EEIG2: variants seen among roughly 807,000 people sequenced by gnomAD.
EEIG2 encodes the protein family with sequence similarity 102 member B.
chr1:108,593,435 A>G, the EEIG2 span, among the ~76,000 whole-genome samples: 1 of 152,242 alleles, frequency 6.6e-6, no homozygotes, highest in Non-Finnish European at 1.5e-5. Flanking sequence ...CTCCATTTAT[A>G]TCTCATTAGC....
chr1:108,579,119 T>G, the EEIG2 span, among the ~76,000 whole-genome samples: 11 of 103,026 alleles, frequency 1.1e-4, no homozygotes, highest in Non-Finnish European at 1.2e-4. Flanking sequence ...TGGACTAAAT[T>G]CTCCAATTAA....
chr1:108,560,177 G>C, the EEIG2 span: 1 of 157,900 alleles, frequency 6.3e-6, no homozygotes, highest in Non-Finnish European at 1.3e-5. Flanking sequence ...CACCTCCCCG[G>C]GCGAGCTGCA....
chr1:108,601,916 G>T, the EEIG2 span, among the ~76,000 whole-genome samples: 47 of 152,318 alleles, frequency 3.1e-4, no homozygotes, highest in South Asian at 9.1e-3. Context: ...GAGGACAGTG[G>T]TGAACTGGAA....
the EEIG2 span, among the ~76,000 whole-genome samples, chr1:108,613,980 C>G: frequency 6.6e-6 from 1 of 151,790 alleles, no homozygotes; most frequent in Admixed American, 6.6e-5. Flanking sequence ...GAAACTTCAC[C>G]CCCAAAAAAT....
the EEIG2 span, among the ~76,000 whole-genome samples, chr1:108,593,564 G>C: frequency 8.8e-3 from 1,337 of 152,260 alleles, 47 homozygotes; most frequent in Admixed American, 0.08. Context: ...AGGAAGAAGA[G>C]AGACTGCATA....
At chr1:108,609,197 T>A in the EEIG2 span, among the ~76,000 whole-genome samples, 36 of 152,354 alleles carry the variant, frequency 2.4e-4, no homozygotes, top group Non-Finnish European at 3.4e-4. Flanking sequence ...TGGGCTATTG[T>A]TTTATTCAAC....
chr1:108,624,349 T>C, the EEIG2 span, among the ~76,000 whole-genome samples: 1 of 150,692 alleles, frequency 6.6e-6, no homozygotes, highest in East Asian at 2.0e-4. Context: ...AGAGCAACCC[T>C]CCCTTGACCA....
At chr1:108,625,027 T>A in the EEIG2 span, 2 of 274,220 alleles carry the variant, frequency 7.3e-6, no homozygotes, top group Non-Finnish European at 1.4e-5. Context: ...TTTTTCCCGT[T>A]CCATTACCCT....
chr1:108,619,810 A>G, the EEIG2 span, among the ~76,000 whole-genome samples: 1 of 152,234 alleles, frequency 6.6e-6, no homozygotes, highest in East Asian at 1.9e-4. Flanking sequence ...GGATCCCTTA[A>G]GCCCAAGAAG....
the EEIG2 span, among the ~76,000 whole-genome samples, chr1:108,574,645 G>T: frequency 1.3e-5 from 2 of 152,202 alleles, no homozygotes; most frequent in African/African-American, 4.8e-5. Context: ...CAGCTACTCG[G>T]AAGGCTGAGG....
chr1:108,612,259 A>C, the EEIG2 span: 12 of 1,613,448 alleles, frequency 7.4e-6, no homozygotes, highest in Middle Eastern at 1.7e-4. Context: ...AGGCTATGAT[A>C]CCAAAAATAC....
the EEIG2 span, among the ~76,000 whole-genome samples, chr1:108,619,630 G>A: frequency 6.6e-6 from 1 of 152,200 alleles, no homozygotes; most frequent in Admixed American, 6.5e-5. Context: ...GCTTATGCCT[G>A]TAATCCCACA....
At chr1:108,574,429 T>C in the EEIG2 span, among the ~76,000 whole-genome samples, 1 of 152,150 alleles carries the variant, frequency 6.6e-6, no homozygotes, top group African/African-American at 2.4e-5. Context: ...TTCTGGACAT[T>C]GGACACTACT....
chr1:108,571,168 G>C, the EEIG2 span, among the ~76,000 whole-genome samples: 2 of 152,192 alleles, frequency 1.3e-5, no homozygotes, highest in East Asian at 3.8e-4. Flanking sequence ...GAGGGGAAGA[G>C]TGTGACATAA....
the EEIG2 span, among the ~76,000 whole-genome samples, chr1:108,590,393 T>C: frequency 6.6e-6 from 1 of 152,232 alleles, no homozygotes; most frequent in Non-Finnish European, 1.5e-5. Context: ...CCTTATAAAT[T>C]TGACCATTAT....
chr1:108,609,834 A>G, the EEIG2 span, among the ~76,000 whole-genome samples: 2 of 152,104 alleles, frequency 1.3e-5, no homozygotes, highest in Non-Finnish European at 1.5e-5. Flanking sequence ...GTTCTCACTT[A>G]TAAGTGCAAG....
chr1:108,576,743 G>A, the EEIG2 span, among the ~76,000 whole-genome samples: 1 of 150,052 alleles, frequency 6.7e-6, no homozygotes, highest in Non-Finnish European at 1.5e-5. Flanking sequence ...TGTGAATAAT[G>A]CCGCAATAAA....
the EEIG2 span, among the ~76,000 whole-genome samples, chr1:108,623,612 G>GATATTATA: frequency 1.3e-5 from 2 of 152,174 alleles, no homozygotes; most frequent in African/African-American, 4.8e-5. Context: ...TTGCATGCCT[G>GATATTATA]TATCAAAATA....
chr1:108,583,067 A>G, the EEIG2 span, among the ~76,000 whole-genome samples: 2 of 152,140 alleles, frequency 1.3e-5, no homozygotes, highest in East Asian at 3.9e-4. Context: ...ATCACTGCTA[A>G]TATCTTAAAA....
Sources: gnomAD v4.1 joint callset for allele counts (sites outside exome capture counted in the v4.1 genomes callset) on GRCh38, gnomAD v4.1.1 for gene constraint, MANE v1.5 for transcripts, NCBI Gene and HGNC (gene_info 2026-07-23, HGNC 2026-07-21) for gene names.